The following NUP58 variants were observed in gnomAD, a reference collection of about 807,000 sequenced individuals.
NUP58 encodes the protein nucleoporin 58.
In NUP58, 17 loss-of-function variants were observed where a neutral mutation model predicts 70.1. The observed-to-expected ratio is 0.24, with a 90% CI of 0.17 to 0.36. The LOEUF (loss-of-function observed/expected upper bound fraction) is 0.36. NUP58 is among the 10% of genes least tolerant of loss of function. The pLI, the probability that NUP58 is intolerant of heterozygous loss-of-function variation, is 1.00. For synonymous variants in NUP58, 275 were observed against 257.6 expected (o/e 1.07, Z -0.65); for missense variants, 644 against 701.5 (o/e 0.92, Z 0.93).
chr13:25,326,644 G>T (rs1254644260), intron 10 of NUP58, among the ~76,000 whole-genome samples: 1 of 152,020 alleles, frequency 6.6e-6, no homozygotes, highest in Middle Eastern at 3.2e-3. Context: ...AACTAAAATT[G>T]TTACAATATT....
At position 25,337,040 on chromosome 13, in the gene NUP58, C is replaced by T. The variant is rs1195824552; in HGVS notation, c.1534+6C>T. On this transcript the variant is annotated splice_donor_region_variant and intron_variant, in intron 14 of 15. Coordinates refer to ENST00000381736, the MANE Select transcript of NUP58 (RefSeq NM_014089.4). ...AGGTTCTTCAAACCTTGGAGGTACACTTTAACTTTTCTAATATTTCATTGA... is the reference window on the plus strand; with the variant it reads ...AGGTTCTTCAAACCTTGGAGGTACATTTTAACTTTTCTAATATTTCATTGA... The T allele has an allele frequency of 6.4e-7, 1 of 1,571,790 alleles. No homozygotes were observed. The highest frequency in any genetic ancestry group is 1.4e-5 in the African/African-American group (1 of 72,772).
In NUP58 at chr13:25,301,713, A is replaced by T; in HGVS notation, c.-61A>T. The T allele has an allele frequency of 1.1e-6, 1 of 931,792 alleles. No homozygotes were observed. Among genetic ancestry groups the T allele is most frequent in the Non-Finnish European group, 1.5e-6 (1 of 645,834 alleles). 57.7% of individuals were successfully genotyped at this position (931,792 alleles called of 1,614,324 possible). A position where few individuals can be genotyped will look rare whatever the true frequency, so the allele number is the denominator to read the frequency against. ...TGCTGCCCGGCCCGCCTCGGCTTTGAGGCGAGAGAAGTGTCCCAGACCCAT... is the reference window on the plus strand; with the variant it reads ...TGCTGCCCGGCCCGCCTCGGCTTTGTGGCGAGAGAAGTGTCCCAGACCCAT... On this transcript the variant is annotated 5_prime_UTR_variant, in exon 1 of 16. The change abolishes the stop of an existing upstream ORF in the 5' untranslated region. Transcript: ENST00000381736.
At chr13:25,331,313 C>T (rs1352962303) in intron 12 of NUP58, 44 bp from the exon 13 acceptor site, 2 of 1,542,680 alleles carry the variant, frequency 1.3e-6, no homozygotes, top group South Asian at 2.2e-5. Flanking sequence ...TAACCATAGT[C>T]AATGTGAAAC....
intron 14 of NUP58, among the ~76,000 whole-genome samples, chr13:25,337,723 C>A (rs1442884558): frequency 6.6e-6 from 1 of 151,968 alleles, no homozygotes; most frequent in Non-Finnish European, 1.5e-5. Context: ...GACGGGAGAC[C>A]TATAAGCTAT....
chr13:25,309,985 A>G (rs1316629225), intron 3 of NUP58: 1 of 397,162 alleles, frequency 2.5e-6, no homozygotes, highest in South Asian at 1.8e-5. Context: ...TTTATCAGCA[A>G]AGTTTTGGAC....
intron 8 of NUP58, 125 bp from the exon 9 acceptor site, chr13:25,320,794 G>A (rs1593187254): frequency 1.4e-6 from 1 of 740,712 alleles, no homozygotes; most frequent in South Asian, 2.3e-5. Context: ...GTAAAAAAGT[G>A]TGAACTATAG....
At chr13:25,349,490 C>G (rs2032083423) in intron 3 of NUP58, 1 of 152,500 alleles carries the variant, frequency 6.6e-6, no homozygotes, top group Admixed American at 6.5e-5. Context: ...TAAATATATT[C>G]CTGGTGTAAG....
chr13:25,322,963 TAATG>T (rs1314840354), intron 9 of NUP58, among the ~76,000 whole-genome samples: 3 of 152,090 alleles, frequency 2.0e-5, no homozygotes, highest in East Asian at 3.9e-4. Context: ...TAGAGCAAAA[TAATG>T]GAGGAGGCAA....
rs750346779 is a variant in NUP58, at chr13:25,326,876, A to G, written c.1032-40A>G. Reference sequence around the variant, plus strand: ...TAATTTGGATTTGTCACTCCAAATTAAAAAAATATTTGATCTGACTTTTTA... The same window carrying G: ...TAATTTGGATTTGTCACTCCAAATTGAAAAAATATTTGATCTGACTTTTTA... On this transcript the variant is annotated intron_variant, in intron 10 of 15. Transcript: ENST00000381736. 7.6e-6 allele frequency: 9 copies of G among 1,178,350 alleles called. 1 individual carries two copies. Among genetic ancestry groups the G allele is most frequent in the Middle Eastern group, 2.0e-4 (1 of 4,952 alleles). The allele number at this position is 1,178,350 out of a possible 1,614,324, so 73.0% of individuals were successfully genotyped here. A position where few individuals can be genotyped will look rare whatever the true frequency, so the allele number is the denominator to read the frequency against.
intron 3 of NUP58, among the ~76,000 whole-genome samples, chr13:25,348,876 T>C (rs2032078018): frequency 6.6e-6 from 1 of 152,150 alleles, no homozygotes; most frequent in Non-Finnish European, 1.5e-5. Flanking sequence ...TTCAAACTCT[T>C]TTTCGTAACA....
intron 3 of NUP58, chr13:25,309,955 A>G: frequency 2.8e-6 from 1 of 352,698 alleles, no homozygotes; most frequent in South Asian, 2.1e-5. Flanking sequence ...ACCTGTTATT[A>G]ACAGAAAACA....
intron 1 of NUP58, among the ~76,000 whole-genome samples, chr13:25,306,733 TCA>T (rs776651255): frequency 2.6e-5 from 4 of 152,234 alleles, no homozygotes; most frequent in Non-Finnish European, 5.9e-5. Context: ...TTGCTTATTT[TCA>T]CAGTTTGTCT....
intron 3 of NUP58, among the ~76,000 whole-genome samples, chr13:25,348,061 A>G (rs1384404182): frequency 6.6e-6 from 1 of 152,226 alleles, no homozygotes; most frequent in Non-Finnish European, 1.5e-5. Flanking sequence ...TGCAGTCTGC[A>G]CTGTCCACAG....
chr13:25,305,140 T>TGTTTTG (rs79698004), intron 1 of NUP58, among the ~76,000 whole-genome samples: 22 of 9,718 alleles, frequency 2.3e-3, no homozygotes, highest in South Asian at 0.013. Context: ...GTTTTTTTTT[T>TGTTTTG]TTTTTTTTTT....
intron 2 of NUP58, among the ~76,000 whole-genome samples, chr13:25,308,376 CTG>C (rs1038239161): frequency 2.6e-5 from 4 of 151,976 alleles, no homozygotes; most frequent in Non-Finnish European, 5.9e-5. Flanking sequence ...TCATGGCTCA[CTG>C]TAGCCTTGCA....
At chr13:25,324,203 A>AT (rs1491534489) in intron 9 of NUP58, among the ~76,000 whole-genome samples, 1 of 152,158 alleles carries the variant, frequency 6.6e-6, no homozygotes, top group Non-Finnish European at 1.5e-5. Flanking sequence ...TGTAGAAAAA[A>AT]CAGTCATCAG....
chr13:25,348,225 G>A (rs2137857499), intron 3 of NUP58, among the ~76,000 whole-genome samples: 2 of 152,292 alleles, frequency 1.3e-5, no homozygotes, highest in Non-Finnish European at 2.9e-5. Context: ...AGTCTACATT[G>A]TCAATTGTAA....
At chr13:25,333,645 T>A in intron 13 of NUP58, 1 of 985,422 alleles carries the variant, frequency 1.0e-6, no homozygotes, top group Non-Finnish European at 1.2e-6. Context: ...AAATTTTCGT[T>A]ATTTTTAGTC....
chr13:25,335,426 GT>G (rs2031746625), intron 13 of NUP58: 49 of 985,168 alleles, frequency 5.0e-5, no homozygotes, highest in Non-Finnish European at 5.8e-5. Context: ...GTCTCTCAAT[GT>G]TAAAGAACTG....
Sources: gnomAD v4.1 joint callset for allele counts (sites outside exome capture counted in the v4.1 genomes callset) on GRCh38, gnomAD v4.1.1 for gene constraint, MANE v1.5 for transcripts, NCBI Gene and HGNC (gene_info 2026-07-23, HGNC 2026-07-21) for gene names.